The following LPO variants were observed in gnomAD, a reference collection of about 807,000 sequenced individuals.
LPO encodes salivary peroxidase.
A neutral mutation model predicts 68.4 loss-of-function variants in LPO; 70 were observed. The ratio of observed to expected loss-of-function variants is 1.02; its 90% CI spans 0.84 to 1.25. LPO has a LOEUF of 1.25. Ranked by LOEUF, LPO falls within the 50% of genes most tolerant of loss-of-function variation. The pLI, the probability that LPO is intolerant of heterozygous loss-of-function variation, is 0.00. For missense variants in LPO, 873 were observed against 908.4 expected, an observed-to-expected ratio of 0.96 and a Z score of 0.50; for synonymous variants, 360 against 357.6, an observed-to-expected ratio of 1.01 and a Z score of -0.08.
intron 4 of LPO, among the ~76,000 whole-genome samples, chr17:58,248,219 G>A (rs1567817466): frequency 1.3e-5 from 2 of 152,200 alleles, no homozygotes; most frequent in Non-Finnish European, 2.9e-5. Context: ...GTCCTGACAG[G>A]AGGAAAAGGC....
intron 2 of LPO, chr17:58,243,714 C>A: frequency 2.0e-6 from 1 of 504,122 alleles, no homozygotes; most frequent in Non-Finnish European, 3.6e-6. Context: ...TAGCCCAAGC[C>A]ACCCTGAGTG....
At chr17:58,241,641 A>G (rs1327306197) in intron 1 of LPO, among the ~76,000 whole-genome samples, 1 of 151,970 alleles carries the variant, frequency 6.6e-6, no homozygotes, top group Non-Finnish European at 1.5e-5. Flanking sequence ...CTGTTTGAGA[A>G]CTCATCTTGG....
intron 1 of LPO, among the ~76,000 whole-genome samples, chr17:58,240,349 G>A (rs1264529524): frequency 6.6e-6 from 1 of 152,170 alleles, no homozygotes; most frequent in Non-Finnish European, 1.5e-5. Context: ...CAAAGGGCTT[G>A]GGAAATGGTT....
chr17:58,239,362 G>A (rs1311971612), intron 1 of LPO, among the ~76,000 whole-genome samples: 1 of 151,320 alleles, frequency 6.6e-6, no homozygotes, highest in Non-Finnish European at 1.5e-5. Context: ...GCGGTAGTAG[G>A]CAGGCTTCAT....
rs752864838 is a variant in LPO, at chr17:58,244,088, GAGACACAC to G, written c.164+9_164+16del. 879 of 1,453,518 alleles carry G rather than the reference GAGACACAC, an allele frequency of 6.0e-4. 6 individuals are homozygous for G. Among genetic ancestry groups the G allele is most frequent in the Non-Finnish European group, 7.0e-4 (750 of 1,065,062 alleles). 90.0% of individuals were successfully genotyped at this position (1,453,518 alleles called of 1,614,324 possible). On this transcript the variant is annotated splice_region_variant and intron_variant, in intron 3 of 12. Coordinates refer to ENST00000262290, the MANE Select transcript of LPO (RefSeq NM_006151.3). ...TCCTGGACTCCCGAACCAGGTACGT[GAGACACAC>G]ACACACACACACACACACACACACA...
At chr17:58,245,500 CCTT>C (rs1969836319) in intron 3 of LPO, among the ~76,000 whole-genome samples, 1 of 152,138 alleles carries the variant, frequency 6.6e-6, no homozygotes, top group South Asian at 2.1e-4. Flanking sequence ...CGGGCCCACT[CCTT>C]CACCCCTCCC....
chr17:58,249,808 G>A (rs1969924245), intron 6 of LPO, 113 bp downstream of exon 6: 8 of 1,361,890 alleles, frequency 5.9e-6, no homozygotes, highest in Non-Finnish European at 7.7e-6. Context: ...AGGGGTGCGC[G>A]ATGGAGATCT....
chr17:58,262,924 A>G (rs542014352), intron 9 of LPO, among the ~76,000 whole-genome samples: 11 of 151,900 alleles, frequency 7.2e-5, no homozygotes, highest in African/African-American at 2.7e-4. Context: ...TTTCAGTTTC[A>G]CCCCCTTTCT....
chr17:58,264,131 G>A (rs1970218346), intron 9 of LPO, among the ~76,000 whole-genome samples: 1 of 152,150 alleles, frequency 6.6e-6, no homozygotes, highest in South Asian at 2.1e-4. Flanking sequence ...TTATAACTAT[G>A]TAAAAGTCGG....
chr17:58,243,087 C>T (rs1424007335), intron 2 of LPO, 32 bp downstream of exon 2: 2 of 1,599,552 alleles, frequency 1.3e-6, no homozygotes, highest in African/African-American at 2.7e-5. Flanking sequence ...TTTTCTGGGG[C>T]TGCTGTCACA....
intron 10 of LPO, among the ~76,000 whole-genome samples, chr17:58,265,750 T>C (rs1970250741): frequency 6.6e-6 from 1 of 151,798 alleles, no homozygotes; most frequent in Middle Eastern, 3.4e-3. Flanking sequence ...ACCTGGCTAA[T>C]TTTTTTGCCT....
intron 6 of LPO, among the ~76,000 whole-genome samples, chr17:58,250,008 G>C (rs2143904796): frequency 6.6e-6 from 1 of 152,268 alleles, no homozygotes; most frequent in South Asian, 2.1e-4. Context: ...TGTTTGCCTG[G>C]AGGTCCTATT....
intron 3 of LPO, among the ~76,000 whole-genome samples, chr17:58,246,099 T>A (rs1017604170): frequency 6.6e-6 from 1 of 152,122 alleles, no homozygotes; most frequent in Non-Finnish European, 1.5e-5. Context: ...GGCACAGGGA[T>A]CAGGGAAGCC....
Position 58,252,180 on chromosome 17 carries a change from A to C in LPO, c.781-2A>C. The stretch of plus-strand genomic sequence containing the variant: ...AGTCACTTATGCCCACTCTCTCTGC[A>C]GTTCCCACCCAATGACCCCAAGGCG... On this transcript the variant is annotated splice_acceptor_variant, in intron 7 of 12. Transcript: ENST00000262290. LOFTEE classifies it high-confidence loss of function. The C allele has an allele frequency of 6.2e-7, 1 of 1,613,166 alleles. No homozygotes were observed. Among genetic ancestry groups the C allele is most frequent in the Non-Finnish European group, 8.5e-7 (1 of 1,179,326 alleles).
chr17:58,254,128 G>GATAGATATATAGATAT (rs1555605277), intron 8 of LPO, among the ~76,000 whole-genome samples: 113 of 114,038 alleles, frequency 9.9e-4, no homozygotes, highest in Middle Eastern at 5.2e-3. Context: ...GATAGATGAT[G>GATAGATATATAGATAT]ATAGATATAT....
chr17:58,262,412 C>T (rs1970191441), intron 9 of LPO, among the ~76,000 whole-genome samples: 1 of 152,218 alleles, frequency 6.6e-6, no homozygotes, highest in Non-Finnish European at 1.5e-5. Context: ...TTCTTTGAGA[C>T]AGAGTCTTGC....
rs1218645690 is a variant in LPO, at chr17:58,254,830, G to A, written c.1125G>A (p.Glu375=). 7 of 1,614,092 alleles carry A rather than the reference G, an allele frequency of 4.3e-6. No individual in the cohort carries two copies. The highest frequency in any genetic ancestry group is 5.9e-6 in the Non-Finnish European group (7 of 1,179,982). The part of the protein sequence containing the change: ...CFLAGDSRAS[E]HILLATSHTL... Reference sequence around the variant, plus strand: ...TTTCAGGAGATTCTCGAGCCTCAGAGCATATTCTGCTGGCCACATCCCACA... The same window carrying A: ...TTTCAGGAGATTCTCGAGCCTCAGAACATATTCTGCTGGCCACATCCCACA... The change falls in exon 9 of 13, where the codon GAG becomes GAA. Residue 375 remains glutamate, a synonymous_variant. Transcript: ENST00000262290.
rs896635287 is a variant in LPO at position 58,266,173 on chromosome 17, C to T, written c.1540C>T (p.Arg514Trp). ...GGCAGGTGGAATTGATCCTCTGGTG[C>T]GGGGCCTGCTGGCCAAGAAATCCAA... ...VKDGGIDPLV[R>W]GLLAKKSKLM... The change falls in exon 11 of 13, where the codon CGG (arginine) becomes TGG (tryptophan). Residue 514 changes from arginine to tryptophan, a missense_variant. Physicochemically the swap from Arg to Trp is moderately radical, Grantham distance 101. Transcript: ENST00000262290. 19 of 1,613,832 alleles carry T rather than the reference C, an allele frequency of 1.2e-5. No homozygotes were observed. The highest frequency in any genetic ancestry group is 2.2e-5 in the South Asian group (2 of 91,026).
At chr17:58,266,365 A>G (rs1970266698) in intron 11 of LPO, 39 bp downstream of exon 11, 1 of 1,601,436 alleles carries the variant, frequency 6.2e-7, no homozygotes, top group Non-Finnish European at 8.5e-7. Context: ...GGGAAATTTT[A>G]GCTAACTTTC....
Sources: allele counts gnomAD v4.1 joint callset (sites outside exome capture counted in the v4.1 genomes callset), GRCh38; gene constraint gnomAD v4.1.1; transcripts MANE v1.5; gene names NCBI Gene and HGNC (gene_info 2026-07-23, HGNC 2026-07-21).